PKIB: variants seen among roughly 807,000 people sequenced by gnomAD.
PKIB encodes the protein cAMP-dependent protein kinase inhibitor beta.
A neutral mutation model predicts 4.5 loss-of-function variants in PKIB; 2 were observed. The observed-to-expected ratio is 0.44, with a 90% CI of 0.18 to 1.39. The LOEUF is 1.39. PKIB is among the 40% of genes most tolerant of loss of function. PKIB has a pLI of 0.27. For missense variants in PKIB, 94 were observed against 92.6 expected, an observed-to-expected ratio of 1.02 and a Z score of -0.06; for synonymous variants, 38 against 36.0, an observed-to-expected ratio of 1.06 and a Z score of -0.20.
At chr6:122,485,081 C>T (rs1330124348) in intron 2 of PKIB, among the ~76,000 whole-genome samples, 1 of 152,166 alleles carries the variant, frequency 6.6e-6, no homozygotes, top group African/African-American at 2.4e-5. Context: ...AATCTGCCAC[C>T]ATGTGGCTGC....
chr6:122,638,999 T>C (rs946078979), intron 2 of PKIB, among the ~76,000 whole-genome samples: 1 of 152,226 alleles, frequency 6.6e-6, no homozygotes, highest in Non-Finnish European at 1.5e-5. Context: ...ACTTAGTACA[T>C]ATATTCTTTT....
chr6:122,666,220 G>A (rs1777215514), intron 2 of PKIB, among the ~76,000 whole-genome samples: 4 of 151,992 alleles, frequency 2.6e-5, no homozygotes, highest in East Asian at 1.9e-4. Context: ...ACTCACCATC[G>A]ACACTGCCTC....
At chr6:122,663,569 G>A (rs1777098354) in intron 2 of PKIB, among the ~76,000 whole-genome samples, 1 of 152,166 alleles carries the variant, frequency 6.6e-6, no homozygotes, top group Admixed American at 6.5e-5. Context: ...CTAGAGGGGA[G>A]GATCCTTCTT....
At chr6:122,652,242 T>C (rs1348630785) in intron 2 of PKIB, among the ~76,000 whole-genome samples, 1 of 152,046 alleles carries the variant, frequency 6.6e-6, no homozygotes, top group Admixed American at 6.6e-5. Flanking sequence ...AGAATGTACA[T>C]GTATGTATAT....
intron 1 of PKIB, among the ~76,000 whole-genome samples, chr6:122,472,812 ATAATAGAGCATCCATAAGGTT>A (rs1441235394): frequency 6.6e-6 from 1 of 152,144 alleles, no homozygotes; most frequent in Non-Finnish European, 1.5e-5. Flanking sequence ...GCAAAGTATT[ATAATAGAGCATCCATAAGGTT>A]TAAAGAATTG....
intron 3 of PKIB, among the ~76,000 whole-genome samples, chr6:122,692,244 G>A (rs943515684): frequency 6.6e-6 from 1 of 152,234 alleles, no homozygotes; most frequent in African/African-American, 2.4e-5. Flanking sequence ...TCAGCCAGTA[G>A]CAAAGCCAGT....
intron 3 of PKIB, among the ~76,000 whole-genome samples, chr6:122,691,024 C>T (rs193102301): frequency 6.6e-6 from 1 of 151,068 alleles, no homozygotes; most frequent in Non-Finnish European, 1.5e-5. Flanking sequence ...TCTCCCGGCC[C>T]TAAATTTTCC....
chr6:122,724,224 C>T (rs907182615), intron 4 of PKIB, among the ~76,000 whole-genome samples: 2 of 152,008 alleles, frequency 1.3e-5, no homozygotes, highest in Non-Finnish European at 2.9e-5. Flanking sequence ...CTTGTGGGAA[C>T]GAAGGAGCCA....
At chr6:122,716,712 C>T (rs1779512979) in intron 3 of PKIB, among the ~76,000 whole-genome samples, 1 of 152,134 alleles carries the variant, frequency 6.6e-6, no homozygotes, top group Non-Finnish European at 1.5e-5. Flanking sequence ...GAAGTTACTC[C>T]CTCCAACTAC....
intron 1 of PKIB, among the ~76,000 whole-genome samples, chr6:122,477,642 G>A (rs1412612367): frequency 6.6e-6 from 1 of 152,056 alleles, no homozygotes; most frequent in Non-Finnish European, 1.5e-5. Flanking sequence ...AGAATTAATT[G>A]TAAGAATAGA....
intron 3 of PKIB, among the ~76,000 whole-genome samples, chr6:122,701,777 C>T (rs1373356554): frequency 6.6e-6 from 1 of 152,086 alleles, no homozygotes; most frequent in African/African-American, 2.4e-5. Flanking sequence ...AAGATTCCTG[C>T]CCTGGAGATT....
chr6:122,568,239 C>T (rs1277968638), intron 2 of PKIB, among the ~76,000 whole-genome samples: 2 of 152,026 alleles, frequency 1.3e-5, no homozygotes, highest in Non-Finnish European at 2.9e-5. Flanking sequence ...TAAAAAGATA[C>T]ATTCTGGACA....
At chr6:122,678,913 A>G (rs768771115) in intron 3 of PKIB, among the ~76,000 whole-genome samples, 6 of 152,372 alleles carry the variant, frequency 3.9e-5, no homozygotes, top group Non-Finnish European at 8.8e-5. Context: ...GAGCAAATGC[A>G]ATGCAGATAA....
At chr6:122,694,234 C>G (rs1475399330) in intron 3 of PKIB, among the ~76,000 whole-genome samples, 1 of 144,736 alleles carries the variant, frequency 6.9e-6, no homozygotes, top group African/African-American at 2.6e-5. Flanking sequence ...ACCACAGTTA[C>G]CTAGGGTGCT....
Position 122,580,147 on chromosome 6 carries a change from C to A in PKIB, c.-247-5774C>A, listed in dbSNP as rs115399343. ...AAGCATTTAAAATTTGTTTTTCTAT[C>A]TTCAAAAAAACTAGAAAGTTCTATG... On this transcript the variant is annotated intron_variant, in intron 2 of 6. Coordinates refer to the PKIB transcript ENST00000392491. Among the ~76,000 whole-genome samples, 405 of 152,136 alleles carry A rather than the reference C, an allele frequency of 2.7e-3. 4 individuals carry two copies. Among genetic ancestry groups the A allele is most frequent in the African/African-American group, 9.2e-3 (382 of 41,532 alleles).
In PKIB at chr6:122,551,372, T is replaced by C. The variant is rs1182242064; in HGVS notation, c.-247-34549T>C. Among the ~76,000 whole-genome samples the C allele has an allele frequency of 2.0e-5, 3 of 152,328 alleles. No individual in the cohort carries two copies. The East Asian group carries it at 5.8e-4, about 29-fold the overall frequency. On this transcript the variant is annotated intron_variant, in intron 2 of 6. Transcript: ENST00000392491. ...TTGACATTATCTTTCATCAGTACTA[T>C]TGAGTTTTTCCTCTCTGCCATTATG...
chr6:122,692,587 G>A (rs1450928822), intron 3 of PKIB, among the ~76,000 whole-genome samples: 1 of 152,168 alleles, frequency 6.6e-6, no homozygotes, highest in East Asian at 1.9e-4. Flanking sequence ...CAGGGCAGTG[G>A]GCTCCCATCT....
At chr6:122,645,534 CAG>C (rs891793568) in intron 2 of PKIB, among the ~76,000 whole-genome samples, 10 of 152,188 alleles carry the variant, frequency 6.6e-5, no homozygotes, top group African/African-American at 2.4e-4. Context: ...TGTGGTGACA[CAG>C]AGTCTGGAAG....
rs1582664315 is a variant in PKIB at position 122,506,750 on chromosome 6, A to G, written c.-248+28811A>G. 2.5e-5 allele frequency among the ~76,000 whole-genome samples: 3 copies of G among 120,866 alleles called. No homozygotes were observed. The South Asian group carries it at 7.9e-4, about 32-fold the overall frequency. 79.3% of individuals were successfully genotyped at this position (120,866 alleles called of 152,430 possible). On this transcript the variant is annotated intron_variant, in intron 2 of 6. Transcript: ENST00000392491. ...AGTCTCGCTCTGTGGCCCAGGCGGG[A>G]GTGCAGTGGCGCAATCTCGGCTCAC...
Sources: allele counts gnomAD v4.1 joint callset (sites outside exome capture counted in the v4.1 genomes callset), GRCh38; gene constraint gnomAD v4.1.1; transcripts MANE v1.5; gene names NCBI Gene and HGNC (gene_info 2026-07-23, HGNC 2026-07-21).